PIGK: variants seen among roughly 807,000 people sequenced by gnomAD.
The protein encoded by PIGK is phosphatidylinositol glycan anchor biosynthesis class K.
In PIGK, 42 loss-of-function variants were observed where a neutral mutation model predicts 50.6. The ratio of observed to expected loss-of-function variants is 0.83; its 90% confidence interval spans 0.65 to 1.07. The LOEUF is 1.07. PIGK is among the 50% of genes least tolerant of loss of function. The pLI, the probability that PIGK is intolerant of heterozygous loss-of-function variation, is 0.00. For synonymous variants in PIGK, 151 were observed against 156.0 expected, an observed-to-expected ratio of 0.97 and a Z score of 0.24; for missense variants, 448 against 488.7, an observed-to-expected ratio of 0.92 and a Z score of 0.78.
At chr1:77,163,977 T>G (rs763887511) in intron 5 of PIGK, 35 bp from the exon 6 acceptor site, 6 of 1,218,958 alleles carry the variant, frequency 4.9e-6, no homozygotes, top group Admixed American at 1.9e-5. Flanking sequence ...AATAGATTTT[T>G]TAATGCAAAC....
At chr1:77,175,499 T>C (rs941777006) in intron 3 of PIGK, among the ~76,000 whole-genome samples, 16 of 152,114 alleles carry the variant, frequency 1.1e-4, no homozygotes, top group South Asian at 2.1e-4. Flanking sequence ...TATTATAACA[T>C]GTAATTGAGA....
intron 3 of PIGK, among the ~76,000 whole-genome samples, chr1:77,179,380 G>A (rs1230731600): frequency 1.3e-5 from 2 of 152,188 alleles, no homozygotes; most frequent in African/African-American, 2.4e-5. Context: ...GAGTCCTTGT[G>A]GACAAACTGC....
chr1:77,114,374 A>G (rs778811660), intron 10 of PIGK, among the ~76,000 whole-genome samples: 3 of 152,142 alleles, frequency 2.0e-5, no homozygotes, highest in Non-Finnish European at 4.4e-5. Flanking sequence ...ATCAACTGTA[A>G]AATATGTTTT....
At chr1:77,110,341 A>G (rs1301065620) in intron 10 of PIGK, among the ~76,000 whole-genome samples, 7 of 152,060 alleles carry the variant, frequency 4.6e-5, no homozygotes, top group Non-Finnish European at 7.4e-5. Flanking sequence ...GAGGCATCAC[A>G]CTACCTGACT....
chr1:77,129,235 T>C lies in PIGK; in HGVS notation c.987-6876A>G, dbSNP rs751679473. 45 of 1,609,554 alleles carry C rather than the reference T, an allele frequency of 2.8e-5. No homozygotes were observed. The Admixed American group carries it at 7.3e-4, about 26-fold the overall frequency. ...GCTCAGGCCATCAAGGGTATGCATATACAAAAAGCCACGAAGTATCTGAAA... is the reference window on the plus strand; with the variant it reads ...GCTCAGGCCATCAAGGGTATGCATACACAAAAAGCCACGAAGTATCTGAAA... On this transcript the variant is annotated intron_variant, in intron 9 of 10. Transcript: ENST00000370812.
chr1:77,122,460 G>T, intron 9 of PIGK, 101 bp from the exon 10 acceptor site: 1 of 672,042 alleles, frequency 1.5e-6, no homozygotes, highest in East Asian at 2.8e-5. Context: ...AAAATGCATA[G>T]ATTTTTTTTG....
intron 9 of PIGK, among the ~76,000 whole-genome samples, chr1:77,149,249 T>C (rs1025300882): frequency 7.9e-5 from 12 of 152,042 alleles, no homozygotes; most frequent in African/African-American, 1.2e-4. Context: ...CTACCAATAA[T>C]AATACTGAAT....
chr1:77,159,219 C>T (rs1655081082), intron 8 of PIGK, among the ~76,000 whole-genome samples: 1 of 152,134 alleles, frequency 6.6e-6, no homozygotes, highest in Admixed American at 6.5e-5. Context: ...GGGCAGCTTA[C>T]ACATGGTGTT....
intron 9 of PIGK, among the ~76,000 whole-genome samples, chr1:77,129,886 T>G (rs542867953): frequency 6.3e-4 from 96 of 152,078 alleles, no homozygotes; most frequent in African/African-American, 2.2e-3. Context: ...CTGTATCAAT[T>G]TATACTGCCA....
At chr1:77,192,089 C>T (rs1270310490) in intron 3 of PIGK, among the ~76,000 whole-genome samples, 1 of 151,922 alleles carries the variant, frequency 6.6e-6, no homozygotes, top group East Asian at 1.9e-4. Context: ...GAGCCGAGAC[C>T]GCGCCACTGC....
At chr1:77,140,221 G>A (rs564917015) in intron 9 of PIGK, among the ~76,000 whole-genome samples, 1 of 151,900 alleles carries the variant, frequency 6.6e-6, no homozygotes, top group Admixed American at 6.6e-5. Flanking sequence ...AAAAGTGTGT[G>A]GCACCTCCCC....
Position 77,188,402 on chromosome 1 carries a change from C to T in PIGK, c.239+18238G>A, listed in dbSNP as rs191139036. Among the ~76,000 whole-genome samples the T allele has an allele frequency of 4.0e-3, 605 of 152,274 alleles. 3 individuals are homozygous for T. The highest frequency in any genetic ancestry group is 0.014 in the African/African-American group (583 of 41,538). On this transcript the variant is annotated intron_variant, in intron 3 of 10. Coordinates refer to ENST00000370812, the MANE Select transcript of PIGK (RefSeq NM_005482.3). Reference sequence around the variant, plus strand: ...ATACTCCAGTCTCCCATAGCACTCCCAGGCTTATTAGGAAGAGGAAATTCC... The same window carrying T: ...ATACTCCAGTCTCCCATAGCACTCCTAGGCTTATTAGGAAGAGGAAATTCC...
At chr1:77,210,554 C>G in intron 1 of PIGK, 65 bp from the exon 2 acceptor site, 1 of 940,788 alleles carries the variant, frequency 1.1e-6, no homozygotes, top group Non-Finnish European at 1.7e-6. Flanking sequence ...TGATAATGGA[C>G]AGTTGAGACT....
chr1:77,166,482 C>T (rs1413238428), intron 5 of PIGK, among the ~76,000 whole-genome samples: 2 of 149,930 alleles, frequency 1.3e-5, no homozygotes, highest in Non-Finnish European at 3.0e-5. Context: ...GCAAAAGGTG[C>T]TAAGTTTACC....
rs1054486396 is a variant in PIGK at position 77,160,745 on chromosome 1, T to G, written c.813+550A>C. The stretch of plus-strand genomic sequence containing the variant: ...ATGAAAAGAATCAGCACAAAAAAAT[T>G]CAGGAAAAAAATCTAAATTAAATTC... On this transcript the variant is annotated intron_variant, in intron 8 of 10. Coordinates refer to ENST00000370812, the MANE Select transcript of PIGK (RefSeq NM_005482.3). Among the ~76,000 whole-genome samples, 3 of 152,148 alleles carry G rather than the reference T, an allele frequency of 2.0e-5. No individual in the cohort carries two copies. In the South Asian group the frequency reaches 6.2e-4, roughly 32 times the overall value.
At chr1:77,201,715 T>A (rs569895108) in intron 3 of PIGK, among the ~76,000 whole-genome samples, 1 of 151,772 alleles carries the variant, frequency 6.6e-6, no homozygotes, top group East Asian at 1.9e-4. Flanking sequence ...CACTCCAGCC[T>A]GGGGTACAGA....
chr1:77,159,027 AG>A (rs1397044718), intron 8 of PIGK, among the ~76,000 whole-genome samples: 1 of 152,160 alleles, frequency 6.6e-6, no homozygotes, highest in Non-Finnish European at 1.5e-5. Flanking sequence ...CCTTCACAGC[AG>A]CCCCTCCCAT....
chr1:77,123,642 A>G (rs1019426183), intron 9 of PIGK, among the ~76,000 whole-genome samples: 6 of 152,204 alleles, frequency 3.9e-5, no homozygotes, highest in African/African-American at 1.4e-4. Context: ...AGGAGGGGAC[A>G]CTGGGGAGTA....
chr1:77,114,977 G>T (rs895319888), intron 10 of PIGK, among the ~76,000 whole-genome samples: 1 of 152,194 alleles, frequency 6.6e-6, no homozygotes, highest in Admixed American at 6.6e-5. Context: ...TGAGTTTCCA[G>T]ATATTGATAA....
Sources: allele counts gnomAD v4.1 joint callset (sites outside exome capture counted in the v4.1 genomes callset), GRCh38; gene constraint gnomAD v4.1.1; transcripts MANE v1.5; gene names NCBI Gene and HGNC (gene_info 2026-07-23, HGNC 2026-07-21).